Variants in PCDHGB1 observed in about 807,000 individuals in gnomAD.
PCDHGB1 encodes protocadherin gamma-B1.
In PCDHGB1, 34 loss-of-function variants were observed where a neutral mutation model predicts 56.6. That is an observed-to-expected ratio of 0.60 (90% confidence interval 0.46 to 0.80). The LOEUF is 0.80. PCDHGB1 is among the 30% of genes least tolerant of loss of function. The probability of loss-of-function intolerance (pLI) is 0.00; values close to 1 mark genes in which losing one functional copy is unlikely to be tolerated. For synonymous variants in PCDHGB1, 561 were observed against 505.9 expected, an observed-to-expected ratio of 1.11 and a Z score of -1.46; for missense variants, 1,278 against 1,204.6, an observed-to-expected ratio of 1.06 and a Z score of -0.90.
chr5:141,511,345 T>TC lies in PCDHGB1; in HGVS notation c.*179dup, dbSNP rs535135679. The TC allele has an allele frequency of 6.6e-4, 924 of 1,410,366 alleles. 3 individuals are homozygous for TC. The African/African-American group carries it at 0.011, about 17-fold the overall frequency. 87.4% of individuals were successfully genotyped at this position (1,410,366 alleles called of 1,614,324 possible). ...AAGTGCCCAGTCAGCACCTACCCCT[T>TC]CCCCCCCAGGGGGTTGAATATGCAA... On this transcript the variant is annotated 3_prime_UTR_variant, in exon 4 of 4. Coordinates refer to ENST00000523390, the MANE Select transcript of PCDHGB1 (RefSeq NM_018922.3).
chr5:141,355,448 C>T (rs1370808610), intron 1 of PCDHGB1: 5 of 1,614,092 alleles, frequency 3.1e-6, no homozygotes, highest in South Asian at 1.1e-5. Flanking sequence ...CGCAGCGGCA[C>T]CTTGGTCACC....
At chr5:141,510,040 G>A (rs2099879305) in intron 3 of PCDHGB1, among the ~76,000 whole-genome samples, 1 of 152,220 alleles carries the variant, frequency 6.6e-6, no homozygotes, top group Non-Finnish European at 1.5e-5. Flanking sequence ...GTTATGTAGA[G>A]GTTAAAAGTG....
chr5:141,396,813 T>C (rs1031435038), intron 1 of PCDHGB1, among the ~76,000 whole-genome samples: 4 of 152,240 alleles, frequency 2.6e-5, no homozygotes, highest in African/African-American at 9.6e-5. Context: ...AGTGTTCTAC[T>C]GTATGGTGCA....
chr5:141,390,448 A>AGT, intron 1 of PCDHGB1: 1 of 845,308 alleles, frequency 1.2e-6, no homozygotes, highest in South Asian at 1.8e-5. Context: ...ACAAAGGAGG[A>AGT]GTAAAGTAGG....
intron 1 of PCDHGB1, among the ~76,000 whole-genome samples, chr5:141,396,987 T>C (rs2093462210): frequency 6.6e-6 from 1 of 152,232 alleles, no homozygotes; most frequent in Admixed American, 6.5e-5. Context: ...GCTAGTTGTT[T>C]TTATTAATCT....
chr5:141,375,702 C>T, intron 1 of PCDHGB1: 2 of 1,614,242 alleles, frequency 1.2e-6, no homozygotes, highest in Non-Finnish European at 1.7e-6. Flanking sequence ...AGCGGGGACC[C>T]GCCTCTTAGC....
In PCDHGB1 at chr5:141,403,333, C is replaced by T. The variant is rs376895778; in HGVS notation, c.2409+50664C>T. On this transcript the variant is annotated intron_variant, in intron 1 of 3. Transcript: ENST00000523390. ...TAGAAATAGAAGTAACTGATATTAA[C>T]GACAGCGCCCCAAAGTTCCAGGCCG... is the stretch of plus-strand genomic sequence containing the variant. 5 of 1,613,866 alleles carry T rather than the reference C, an allele frequency of 3.1e-6. No homozygotes were observed. The African/African-American group carries it at 5.3e-5, about 17-fold the overall frequency.
At chr5:141,403,708 T>C (rs1265644591) in intron 1 of PCDHGB1, 2 of 1,613,906 alleles carry the variant, frequency 1.2e-6, no homozygotes, top group South Asian at 1.1e-5. Flanking sequence ...TTAAAGTCCT[T>C]GAGAACGTGC....
Position 141,361,948 on chromosome 5 carries a change from T to A in PCDHGB1, c.2409+9279T>A, listed in dbSNP as rs746757947. The stretch of plus-strand genomic sequence containing the variant: ...AGACTCAGGACACAACGCTTGGCTG[T>A]CCTACCACGTGCTGCAGGCCAGCGA... On this transcript the variant is annotated intron_variant, in intron 1 of 3. Coordinates refer to ENST00000523390, the MANE Select transcript of PCDHGB1 (RefSeq NM_018922.3). The A allele has an allele frequency of 2.6e-5, 42 of 1,604,118 alleles. No homozygotes were observed. The highest frequency in any genetic ancestry group is 5.5e-5 in the South Asian group (5 of 90,876).
chr5:141,364,171 C>G (rs914010009), intron 1 of PCDHGB1: 73 of 786,522 alleles, frequency 9.3e-5, no homozygotes, highest in Admixed American at 2.2e-4. Context: ...CGACCCGACT[C>G]TGCTCCCTCC....
intron 1 of PCDHGB1, chr5:141,430,541 C>T: frequency 2.5e-6 from 1 of 392,344 alleles, no homozygotes; most frequent in Non-Finnish European, 4.5e-6. Flanking sequence ...ACTCTGAGCG[C>T]CGCTGTTCAC....
intron 1 of PCDHGB1, among the ~76,000 whole-genome samples, chr5:141,473,942 GC>G (rs1443545533): frequency 1.3e-5 from 2 of 152,124 alleles, no homozygotes; most frequent in African/African-American, 4.8e-5. Context: ...AGTAGCTCAG[GC>G]CTGTAGTCCC....
Position 141,503,868 on chromosome 5 carries a change from G to A in PCDHGB1, c.2469-1525G>A, listed in dbSNP as rs928240898. Among the ~76,000 whole-genome samples, 24 of 152,202 alleles carry A rather than the reference G, an allele frequency of 1.6e-4. No individual in the cohort carries two copies. The South Asian group carries it at 4.1e-3, about 26-fold the overall frequency. ...TTGGAAAAATTGTAAAGCAGTTCTT[G>A]GTTGTGCTCACCCACCATGACAAAA... On this transcript the variant is annotated intron_variant, in intron 2 of 3. Coordinates refer to ENST00000523390, the MANE Select transcript of PCDHGB1 (RefSeq NM_018922.3).
At position 141,476,001 on chromosome 5, in the gene PCDHGB1, C is replaced by A. The variant is rs989369008; in HGVS notation, c.2410-18806C>A. On this transcript the variant is annotated intron_variant, in intron 1 of 3. Coordinates refer to ENST00000523390, the MANE Select transcript of PCDHGB1 (RefSeq NM_018922.3). This position sits in a 1 kb window ranked among gnomAD's most constrained non-coding sequence, Gnocchi z 7.6. ...CAGCCGGCGAGCAAATCAACGGCAT[C>A]CAGAAAGCCATGTCGGACTCGGCGC... The A allele has an allele frequency of 5.7e-5, 70 of 1,235,226 alleles. No homozygotes were observed. In the Middle Eastern group the frequency reaches 8.6e-4, roughly 15 times the overall value. The allele number at this position is 1,235,226 out of a possible 1,614,324, so 76.5% of individuals were successfully genotyped here. A position where few individuals can be genotyped will look rare whatever the true frequency, so the allele number is the denominator to read the frequency against.
At chr5:141,418,685 G>A (rs750217981) in intron 1 of PCDHGB1, 1 of 1,614,056 alleles carries the variant, frequency 6.2e-7, no homozygotes, top group African/African-American at 1.3e-5. Context: ...CATCAACTCA[G>A]AGATCACTTA....
chr5:141,371,336 C>T (rs2149982904), intron 1 of PCDHGB1: 1 of 1,613,926 alleles, frequency 6.2e-7, no homozygotes, highest in Non-Finnish European at 8.5e-7. Context: ...AGAGAGATAG[C>T]TACACAATTG....
chr5:141,491,293 C>T lies in PCDHGB1; in HGVS notation c.2410-3514C>T. On this transcript the variant is annotated intron_variant, in intron 1 of 3. Transcript: ENST00000523390. This position sits in a 1 kb window ranked among gnomAD's most constrained non-coding sequence, Gnocchi z 6.9. Reference sequence around the variant, plus strand: ...ATCCAGTGACTTCCTCATACACCCTCCTGAGCGTTCAGACCTTACCCTTTA... The same window carrying T: ...ATCCAGTGACTTCCTCATACACCCTTCTGAGCGTTCAGACCTTACCCTTTA... 6.2e-7 allele frequency: 1 copy of T among 1,614,166 alleles called. No homozygotes were observed. The highest frequency in any genetic ancestry group is 1.3e-5 in the African/African-American group (1 of 75,058).
chr5:141,428,488 CTGT>C (rs2097142454), intron 1 of PCDHGB1: 1 of 312,362 alleles, frequency 3.2e-6, no homozygotes. Flanking sequence ...TTCCTGCAAT[CTGT>C]ATGTTCCCTC....
chr5:141,497,062 A>C (rs779414748), intron 2 of PCDHGB1, among the ~76,000 whole-genome samples: 6 of 152,024 alleles, frequency 3.9e-5, no homozygotes, highest in Non-Finnish European at 7.4e-5. Flanking sequence ...GGTGGCAGGC[A>C]CCTGTAATCC....
Sources: allele counts gnomAD v4.1 joint callset (sites outside exome capture counted in the v4.1 genomes callset), GRCh38; gene constraint gnomAD v4.1.1; non-coding constraint Gnocchi (gnomAD v3.1); transcripts MANE v1.5; gene names NCBI Gene and HGNC (gene_info 2026-07-23, HGNC 2026-07-21).